UXS1: variants seen among roughly 807,000 people sequenced by gnomAD.
The protein encoded by UXS1 is UDP-glucuronic acid decarboxylase 1.
In UXS1, 33 loss-of-function variants were observed where a neutral mutation model predicts 62.6. The observed-to-expected ratio is 0.53, with a 90% CI of 0.40 to 0.70. The LOEUF (loss-of-function observed/expected upper bound fraction) is 0.70, where lower values mean the gene tolerates loss of function less well. Ranked by LOEUF, UXS1 falls within the 30% of genes least tolerant of loss-of-function variation. UXS1 has a pLI of 0.00. For missense variants in UXS1, 434 were observed against 556.3 expected, an observed-to-expected ratio of 0.78 and a Z score of 2.21; for synonymous variants, 213 against 206.8, an observed-to-expected ratio of 1.03 and a Z score of -0.26.
chr2:106,106,941 T>C (rs1678123413), intron 10 of UXS1, among the ~76,000 whole-genome samples: 1 of 152,264 alleles, frequency 6.6e-6, no homozygotes, highest in African/African-American at 2.4e-5. Flanking sequence ...TTCAGAATTC[T>C]TTTTCCTGCC....
chr2:106,116,517 T>G (rs746056363), intron 9 of UXS1, among the ~76,000 whole-genome samples: 2 of 152,232 alleles, frequency 1.3e-5, no homozygotes, highest in African/African-American at 4.8e-5. Context: ...CCATGCAAGA[T>G]GATGCTGCCT....
intron 5 of UXS1, among the ~76,000 whole-genome samples, chr2:106,155,272 G>A (rs576593084): frequency 3.5e-4 from 53 of 152,184 alleles, no homozygotes; most frequent in African/African-American, 1.3e-3. Context: ...TCTTATATAC[G>A]ACCAAAAATA....
intron 10 of UXS1, among the ~76,000 whole-genome samples, chr2:106,108,485 G>A (rs150535580): frequency 1.0e-3 from 159 of 152,316 alleles, no homozygotes; most frequent in African/African-American, 3.7e-3. Flanking sequence ...GCAAAATCCA[G>A]GGCATGAGTA....
rs1397390221 is a variant in UXS1, at chr2:106,094,054, A to C, written c.1250T>G (p.Ile417Arg). ...QYIPKPKPAR[I>R]KKGRTRHS Reference sequence around the variant, plus strand: ...GCTGTGGCGAGTCCGTCCTTTCTTTATTCTGGCAGGCTTTGGTTTGGGGAT... The same window carrying C: ...GCTGTGGCGAGTCCGTCCTTTCTTTCTTCTGGCAGGCTTTGGTTTGGGGAT... The change falls in exon 15 of 15, where the codon ATA becomes AGA. Residue 417 changes from isoleucine (I) to arginine (R), a missense_variant. Ile to Arg is a moderately conservative substitution (Grantham distance 97). Around this residue, in one of 3 missense-constraint regions of UXS1, gnomAD observed 209 missense variants for 233.3 expected, o/e 0.90. Coordinates refer to ENST00000283148, the MANE Select transcript of UXS1 (RefSeq NM_001253875.2). The C allele has an allele frequency of 6.2e-7, 1 of 1,613,006 alleles. No individual in the cohort carries two copies. Among genetic ancestry groups the C allele is most frequent in the South Asian group, 1.1e-5 (1 of 90,910 alleles).
intron 5 of UXS1, among the ~76,000 whole-genome samples, chr2:106,151,923 G>A (rs918277706): frequency 8.5e-5 from 13 of 152,106 alleles, no homozygotes; most frequent in Admixed American, 6.5e-4. Context: ...GTCTAATATC[G>A]ATTCAGGAGT....
intron 1 of UXS1, among the ~76,000 whole-genome samples, chr2:106,183,208 G>C (rs1684350913): frequency 7.3e-6 from 1 of 136,926 alleles, no homozygotes; most frequent in South Asian, 2.3e-4. Context: ...TTCTGTTGCT[G>C]ATAAAACCCA....
intron 5 of UXS1, among the ~76,000 whole-genome samples, chr2:106,148,542 A>G (rs1681764051): frequency 6.6e-6 from 1 of 152,220 alleles, no homozygotes; most frequent in South Asian, 2.1e-4. Context: ...ATCATCTCCA[A>G]CATCTCACTA....
intron 5 of UXS1, among the ~76,000 whole-genome samples, chr2:106,146,773 A>C (rs1681609236): frequency 3.4e-5 from 1 of 29,848 alleles, no homozygotes; most frequent in Admixed American, 3.7e-4. Flanking sequence ...ACTCCATCTC[A>C]AAAAAAAAAA....
In UXS1 at chr2:106,096,798, G is replaced by GA; in HGVS notation, c.1065dup (p.Leu356SerfsTer7). 1 of 1,590,896 alleles carries GA rather than the reference G, an allele frequency of 6.3e-7. No homozygotes were observed. The highest frequency in any genetic ancestry group is 8.6e-7 in the Non-Finnish European group (1 of 1,167,208). On this transcript the variant is annotated frameshift_variant, in exon 14 of 15. Coordinates refer to ENST00000283148, the MANE Select transcript of UXS1 (RefSeq NM_001253875.2). LOFTEE classifies it high-confidence loss of function. The stretch of plus-strand genomic sequence containing the variant: ...TGTGGGTCATCCTGGGCTTCGGAGA[G>GA]AAACTGAATTTCACTTCCGCTACCT...
At position 106,122,978 on chromosome 2, in the gene UXS1, T is replaced by C. The variant is rs142328346; in HGVS notation, c.751A>G (p.Met251Val). The change falls in exon 9 of 15, where the codon ATG becomes GTG. Residue 251 changes from methionine (M) to valine (V), a missense_variant. Physicochemically the swap from Met to Val is conservative, Grantham distance 21 (BLOSUM62 1). Around this residue, in one of 3 missense-constraint regions of UXS1, gnomAD observed 209 missense variants for 233.3 expected, o/e 0.90. Transcript: ENST00000283148. Reference protein sequence around the residue: ...RVAETMCYAYMKQEGVEVRVA... With the variant: ...RVAETMCYAYVKQEGVEVRVA... Reference sequence around the variant, plus strand: ...AGACCCTGGTGAAATACCTGCTTCATGTAGGCATAGCACATGGTCTCTGCA... The same window carrying C: ...AGACCCTGGTGAAATACCTGCTTCACGTAGGCATAGCACATGGTCTCTGCA... 21 of 1,613,830 alleles carry C rather than the reference T, an allele frequency of 1.3e-5. No homozygotes were observed. Among genetic ancestry groups the C allele is most frequent in the East Asian group, 2.2e-5 (1 of 44,880 alleles).
intron 5 of UXS1, among the ~76,000 whole-genome samples, chr2:106,156,416 G>C (rs957466693): frequency 2.6e-5 from 4 of 152,124 alleles, no homozygotes; most frequent in African/African-American, 7.2e-5. Context: ...AGAGAAACTG[G>C]AACACTCATA....
In UXS1 at chr2:106,143,408, CAAAAAAAAAAAA is replaced by C. The variant is rs60493984; in HGVS notation, c.472+1770_472+1781del. Among the ~76,000 whole-genome samples the C allele has an allele frequency of 7.0e-4, 27 of 38,652 alleles. 1 individual carries two copies. In the East Asian group the frequency reaches 8.2e-3, roughly 12 times the overall value. The allele number at this position is 38,652 out of a possible 152,430, so 25.4% of individuals were successfully genotyped here. ...TGGGCAACAGAGAGAGACTCCGTCT[CAAAAAAAAAAAA>C]AAAAAAAAAAAAAAAAAAGGTATAA... is the stretch of plus-strand genomic sequence containing the variant. On this transcript the variant is annotated intron_variant, in intron 6 of 14. Transcript: ENST00000283148.
intron 6 of UXS1, among the ~76,000 whole-genome samples, chr2:106,136,968 A>C (rs887537549): frequency 4.8e-5 from 7 of 145,566 alleles, no homozygotes; most frequent in African/African-American, 1.7e-4. Flanking sequence ...ACACACACAA[A>C]AAAAAAAAAA....
intron 1 of UXS1, among the ~76,000 whole-genome samples, chr2:106,187,128 G>A (rs1684610713): frequency 6.6e-6 from 1 of 152,114 alleles, no homozygotes. Context: ...GTGAATCTGG[G>A]CAGAGAGTAT....
At chr2:106,123,432 TTTTATA>T (rs1431123970) in intron 8 of UXS1, among the ~76,000 whole-genome samples, 4 of 152,356 alleles carry the variant, frequency 2.6e-5, no homozygotes, top group Non-Finnish European at 4.4e-5. Context: ...TGTGGTTTTG[TTTTATA>T]TTTATAAAGT....
At chr2:106,128,992 G>GT (rs1480974593) in intron 7 of UXS1, among the ~76,000 whole-genome samples, 1 of 152,076 alleles carries the variant, frequency 6.6e-6, no homozygotes, top group African/African-American at 2.4e-5. Context: ...AACCCCTGGA[G>GT]TTTTTTGAAA....
intron 13 of UXS1, among the ~76,000 whole-genome samples, chr2:106,098,212 G>A (rs1429134634): frequency 6.6e-6 from 1 of 151,024 alleles, no homozygotes; most frequent in African/African-American, 2.5e-5. Context: ...TGCAATCCAG[G>A]GCTGGTCTGG....
chr2:106,186,453 T>TAC (rs753781104), intron 1 of UXS1, among the ~76,000 whole-genome samples: 8 of 11,428 alleles, frequency 7.0e-4, no homozygotes, highest in East Asian at 3.7e-3. Flanking sequence ...TATATATATA[T>TAC]ATATACACAC....
At chr2:106,102,455 C>G (rs562648501) in intron 11 of UXS1, 2 of 152,272 alleles carry the variant, frequency 1.3e-5, no homozygotes, top group South Asian at 2.1e-4. Context: ...ACATGACAAA[C>G]TGGCAACTTT....
Sources: allele counts gnomAD v4.1 joint callset (sites outside exome capture counted in the v4.1 genomes callset), GRCh38; gene constraint gnomAD v4.1.1; regional missense constraint gnomAD v4.1.1; transcripts MANE v1.5; gene names NCBI Gene and HGNC (gene_info 2026-07-23, HGNC 2026-07-21).